PARD3B: variants seen among roughly 807,000 people sequenced by gnomAD.
PARD3B encodes the protein par-3 family cell polarity regulator beta.
Under a neutral mutation model 130.2 loss-of-function variants are expected in PARD3B, and 103 were observed. The ratio of observed to expected loss-of-function variants is 0.79; its 90% CI spans 0.67 to 0.93. The LOEUF (loss-of-function observed/expected upper bound fraction) is 0.93. Among genes scored for constraint, PARD3B ranks in the 40% least tolerant of loss-of-function variants. The pLI is 0.00. For missense variants in PARD3B, 1,609 were observed against 1,499.2 expected (o/e 1.07, Z -1.21); for synonymous variants, 583 against 553.2 (o/e 1.05, Z -0.76).
chr2:205,543,051 G>C (rs2052230282), intron 21 of PARD3B, among the ~76,000 whole-genome samples: 1 of 152,098 alleles, frequency 6.6e-6, no homozygotes, highest in South Asian at 2.1e-4. Context: ...AACTTCCACT[G>C]CGTAGATGTC....
intron 1 of PARD3B, among the ~76,000 whole-genome samples, chr2:204,671,701 C>T (rs1020494068): frequency 1.3e-5 from 2 of 152,180 alleles, no homozygotes; most frequent in Non-Finnish European, 2.9e-5. Flanking sequence ...ATGAGATTGT[C>T]GTAATGACTG....
chr2:204,709,554 T>G (rs1170840301), intron 2 of PARD3B, among the ~76,000 whole-genome samples: 4 of 152,220 alleles, frequency 2.6e-5, no homozygotes, highest in Non-Finnish European at 5.9e-5. Flanking sequence ...CCTTTGGCTC[T>G]CTTTGAATGT....
At chr2:204,876,827 AT>A (rs1483464418) in intron 2 of PARD3B, among the ~76,000 whole-genome samples, 1 of 152,202 alleles carries the variant, frequency 6.6e-6, no homozygotes, top group Non-Finnish European at 1.5e-5. Flanking sequence ...GGTATAAGTT[AT>A]GTAAATCAAA....
intron 21 of PARD3B, among the ~76,000 whole-genome samples, chr2:205,532,372 G>A (rs976102782): frequency 1.3e-5 from 2 of 152,098 alleles, no homozygotes; most frequent in African/African-American, 4.8e-5. Flanking sequence ...TAAGTTCTTT[G>A]TTTCAGTTTT....
chr2:204,717,815 G>T (rs1172660990), intron 2 of PARD3B, among the ~76,000 whole-genome samples: 1 of 152,156 alleles, frequency 6.6e-6, no homozygotes, highest in Non-Finnish European at 1.5e-5. Context: ...TGGCACAGCA[G>T]TAGCACAGAT....
intron 3 of PARD3B, among the ~76,000 whole-genome samples, chr2:205,042,163 C>T (rs1325487379): frequency 2.0e-5 from 3 of 152,170 alleles, no homozygotes; most frequent in South Asian, 4.1e-4. Flanking sequence ...AGACGACCCT[C>T]CTCTTGGCTT....
At chr2:204,829,398 G>T (rs1048249418) in intron 2 of PARD3B, among the ~76,000 whole-genome samples, 3 of 152,308 alleles carry the variant, frequency 2.0e-5, no homozygotes, top group South Asian at 4.1e-4. Context: ...ATCCCAGTTT[G>T]ATCTTCAGAG....
At chr2:205,496,762 C>T (rs1198636046) in intron 20 of PARD3B, among the ~76,000 whole-genome samples, 1 of 151,708 alleles carries the variant, frequency 6.6e-6, no homozygotes, top group Non-Finnish European at 1.5e-5. Context: ...TTTTTTTCCA[C>T]CACAAATGGA....
At chr2:205,495,603 A>G (rs1193495643) in intron 20 of PARD3B, among the ~76,000 whole-genome samples, 1 of 152,224 alleles carries the variant, frequency 6.6e-6, no homozygotes, top group Non-Finnish European at 1.5e-5. Context: ...CAAGGAATAT[A>G]GAACAAACGA....
At chr2:204,892,170 G>T (rs10490274) in intron 2 of PARD3B, among the ~76,000 whole-genome samples, 8,687 of 152,222 alleles carry the variant, frequency 0.057, 372 homozygotes, top group Admixed American at 0.092. Context: ...CTATGAAGGT[G>T]CAATCAAGGT....
In PARD3B at chr2:205,325,027, TA is replaced by T. The variant is rs1247895347; in HGVS notation, c.2630+23329del. On this transcript the variant is annotated intron_variant, in intron 18 of 22. Transcript: ENST00000406610. This position sits in a 1 kb window ranked among gnomAD's most constrained non-coding sequence, Gnocchi z 4.1. ...CCACAAATTCTACTCTCTAAGAATC[TA>T]AATTCTCTCTCCATCTTCACTGCAC... Among the ~76,000 whole-genome samples the T allele has an allele frequency of 6.6e-6, 1 of 152,216 alleles. No homozygotes were observed. The highest frequency in any genetic ancestry group is 1.5e-5 in the Non-Finnish European group (1 of 68,044).
chr2:205,028,418 CAT>C (rs1329830566), intron 3 of PARD3B, among the ~76,000 whole-genome samples: 2 of 152,088 alleles, frequency 1.3e-5, no homozygotes, highest in African/African-American at 4.8e-5. Context: ...GATAACAACT[CAT>C]AACAAATTAG....
intron 18 of PARD3B, among the ~76,000 whole-genome samples, chr2:205,344,164 G>A (rs906596602): frequency 7.3e-5 from 11 of 150,460 alleles, no homozygotes; most frequent in Non-Finnish European, 1.2e-4. Flanking sequence ...AGAAATCTGA[G>A]CTTTGAAGGT....
chr2:204,629,762 C>T (rs965452642), intron 1 of PARD3B, among the ~76,000 whole-genome samples: 6 of 152,090 alleles, frequency 3.9e-5, no homozygotes, highest in Admixed American at 6.6e-5. Flanking sequence ...TGTTTCATTG[C>T]CCCAGTGGCA....
At chr2:204,930,668 C>T (rs1575337302) in intron 2 of PARD3B, among the ~76,000 whole-genome samples, 1 of 151,964 alleles carries the variant, frequency 6.6e-6, no homozygotes, top group Admixed American at 6.6e-5. Flanking sequence ...CATAATCAGT[C>T]CCCATATTCT....
intron 2 of PARD3B, among the ~76,000 whole-genome samples, chr2:204,740,344 G>A (rs2039956930): frequency 6.6e-6 from 1 of 151,996 alleles, no homozygotes; most frequent in African/African-American, 2.4e-5. Context: ...TTACATCTTC[G>A]GCACATTTAT....
chr2:205,569,620 A>T (rs973876627), intron 22 of PARD3B, among the ~76,000 whole-genome samples: 6 of 152,194 alleles, frequency 3.9e-5, no homozygotes, highest in African/African-American at 1.4e-4. Context: ...CTTTAGACAA[A>T]TATTGTGGAA....
At chr2:204,922,366 T>C (rs533663305) in intron 2 of PARD3B, among the ~76,000 whole-genome samples, 9 of 152,116 alleles carry the variant, frequency 5.9e-5, no homozygotes, top group African/African-American at 2.2e-4. Flanking sequence ...AAGGGAAGGA[T>C]TGTGGAAGCT....
chr2:204,743,966 C>T (rs977330326), intron 2 of PARD3B, among the ~76,000 whole-genome samples: 3 of 152,252 alleles, frequency 2.0e-5, no homozygotes, highest in East Asian at 3.9e-4. Context: ...AACCTGATTT[C>T]AGAGTCTAAC....
Sources: gnomAD v4.1 joint callset for allele counts (sites outside exome capture counted in the v4.1 genomes callset) on GRCh38, gnomAD v4.1.1 for gene constraint, Gnocchi (gnomAD v3.1) non-coding constraint, MANE v1.5 for transcripts, NCBI Gene and HGNC (gene_info 2026-07-23, HGNC 2026-07-21) for gene names.